TBC1D5: variants seen among roughly 807,000 people sequenced by gnomAD.
TBC1D5 encodes the protein TBC1 domain family member 5.
TBC1D5 carries 75 observed loss-of-function variants against 100.3 expected under a neutral mutation model. The observed-to-expected ratio is 0.75, with a 90% CI of 0.62 to 0.91. The LOEUF (loss-of-function observed/expected upper bound fraction) is 0.91, where lower values mean the gene tolerates loss of function less well. TBC1D5 is among the 40% of genes least tolerant of loss of function. The probability of loss-of-function intolerance (pLI) is 0.00; values close to 1 mark genes in which losing one functional copy is unlikely to be tolerated. For synonymous variants in TBC1D5, 323 were observed against 325.6 expected (o/e 0.99, Z 0.09); for missense variants, 910 against 942.4 (o/e 0.97, Z 0.45).
chr3:17,336,680 T>C (rs1323793224), intron 13 of TBC1D5, among the ~76,000 whole-genome samples: 1 of 151,280 alleles, frequency 6.6e-6, no homozygotes, highest in Non-Finnish European at 1.5e-5. Flanking sequence ...TGTGTCACAG[T>C]GTAATCCTGA....
intron 18 of TBC1D5, among the ~76,000 whole-genome samples, chr3:17,207,294 T>A (rs1353703883): frequency 1.3e-5 from 2 of 152,192 alleles, no homozygotes. Flanking sequence ...AATGGCCACC[T>A]AAAAATAGAC....
At chr3:17,676,237 C>A (rs2153798620) in intron 1 of TBC1D5, among the ~76,000 whole-genome samples, 1 of 152,208 alleles carries the variant, frequency 6.6e-6, no homozygotes, top group East Asian at 1.9e-4. Flanking sequence ...CTGTTGTTAT[C>A]TATTATCTAC....
chr3:17,683,006 T>C (rs2069714540), intron 1 of TBC1D5, among the ~76,000 whole-genome samples: 1 of 151,460 alleles, frequency 6.6e-6, no homozygotes, highest in Admixed American at 6.6e-5. Flanking sequence ...AGAAAACAGG[T>C]TGGAAAGATC....
rs2077293873 is a variant in TBC1D5, at chr3:17,740,102, G to A, written c.-860C>T. 4 of 151,980 alleles carry A rather than the reference G, an allele frequency of 2.6e-5. No homozygotes were observed. In the South Asian group the frequency reaches 8.3e-4, roughly 32 times the overall value. 9.4% of individuals were successfully genotyped at this position (151,980 alleles called of 1,614,324 possible). ...GGCCGAGATGGACACATCACTTGAGGTCAGGAGGTCGATACCAGCCTGGCC... is the reference window on the plus strand; with the variant it reads ...GGCCGAGATGGACACATCACTTGAGATCAGGAGGTCGATACCAGCCTGGCC... On this transcript the variant is annotated 5_prime_UTR_variant, in exon 1 of 22. Transcript: ENST00000253692.
chr3:17,397,811 C>T (rs1002157720), intron 8 of TBC1D5, among the ~76,000 whole-genome samples: 5 of 152,090 alleles, frequency 3.3e-5, no homozygotes, highest in African/African-American at 1.2e-4. Flanking sequence ...AAGATGATAA[C>T]AGCATATCAA....
intron 2 of TBC1D5, among the ~76,000 whole-genome samples, chr3:17,536,251 G>A (rs1157338578): frequency 6.6e-6 from 1 of 152,066 alleles, no homozygotes; most frequent in African/African-American, 2.4e-5. Context: ...TAAAGCTGCT[G>A]CATAGTCACA....
intron 17 of TBC1D5, among the ~76,000 whole-genome samples, chr3:17,234,023 T>G (rs892823337): frequency 6.6e-6 from 1 of 152,132 alleles, no homozygotes; most frequent in Non-Finnish European, 1.5e-5. Context: ...TCAAAAGATT[T>G]TGCTGAGCAT....
intron 2 of TBC1D5, among the ~76,000 whole-genome samples, chr3:17,588,522 A>G (rs754754454): frequency 6.6e-6 from 1 of 152,122 alleles, no homozygotes; most frequent in Non-Finnish European, 1.5e-5. Flanking sequence ...CTGGGACTGC[A>G]ATAATTTATG....
At position 17,584,930 on chromosome 3, in the gene TBC1D5, A is replaced by T. The variant is rs1284018861; in HGVS notation, c.-36+38919T>A. The stretch of plus-strand genomic sequence containing the variant: ...CTCAGACTCCCAAAGTGCTGGGATT[A>T]CAGGCGTGAGCCACTGTGCCCAGCC... On this transcript the variant is annotated intron_variant, in intron 2 of 21. Transcript: ENST00000253692. 2.0e-5 allele frequency among the ~76,000 whole-genome samples: 3 copies of T among 152,206 alleles called. No individual in the cohort carries two copies. The East Asian group carries it at 5.8e-4, about 29-fold the overall frequency.
chr3:17,158,152 C>T (rs561767910), exon 22 of TBC1D5: 2 of 152,252 alleles, frequency 1.3e-5, no homozygotes, highest in South Asian at 2.1e-4. Flanking sequence ...AACTCTCACA[C>T]GTAATGTACA....
intron 15 of TBC1D5, among the ~76,000 whole-genome samples, chr3:17,270,667 A>T (rs1368256349): frequency 6.6e-6 from 1 of 152,074 alleles, no homozygotes; most frequent in African/African-American, 2.4e-5. Context: ...GCTTTTGAGG[A>T]CTTAGCCATA....
At chr3:17,508,655 T>C (rs1560048429) in intron 2 of TBC1D5, 50 bp from the exon 3 acceptor site, 2 of 920,258 alleles carry the variant, frequency 2.2e-6, no homozygotes, top group Non-Finnish European at 3.5e-6. Context: ...TTTTCTGCTA[T>C]GACTGGGAAT....
intron 3 of TBC1D5, among the ~76,000 whole-genome samples, chr3:17,436,200 G>A (rs1374060238): frequency 6.6e-6 from 1 of 152,152 alleles, no homozygotes; most frequent in East Asian, 1.9e-4. Flanking sequence ...CCATTTGTTT[G>A]TTATCTCACT....
At chr3:17,571,513 C>G (rs1240304426) in intron 2 of TBC1D5, among the ~76,000 whole-genome samples, 1 of 151,976 alleles carries the variant, frequency 6.6e-6, no homozygotes, top group Non-Finnish European at 1.5e-5. Context: ...AGTTCTTTGA[C>G]TTCATTTAAA....
chr3:17,173,123 C>A (rs2067332778), intron 19 of TBC1D5, among the ~76,000 whole-genome samples: 1 of 152,132 alleles, frequency 6.6e-6, no homozygotes, highest in African/African-American at 2.4e-5. Flanking sequence ...TCTCAGCAAC[C>A]CTTCTAGATG....
chr3:17,290,954 A>C (rs1183939204), intron 15 of TBC1D5, among the ~76,000 whole-genome samples: 3 of 152,226 alleles, frequency 2.0e-5, no homozygotes, highest in African/African-American at 4.8e-5. Context: ...AAAAGGTTGA[A>C]GTCAACAACC....
At chr3:17,386,262 T>A (rs1359644542) in intron 8 of TBC1D5, among the ~76,000 whole-genome samples, 2 of 152,110 alleles carry the variant, frequency 1.3e-5, no homozygotes, top group Admixed American at 1.3e-4. Context: ...CCCTTCCTCA[T>A]CTATTCTTTG....
At chr3:17,263,477 T>C (rs1275228286) in intron 15 of TBC1D5, among the ~76,000 whole-genome samples, 3 of 152,158 alleles carry the variant, frequency 2.0e-5, no homozygotes, top group Admixed American at 6.5e-5. Context: ...ACCATGCCTT[T>C]CCTAGGCCAA....
chr3:17,190,893 A>C (rs2069793640), intron 18 of TBC1D5, among the ~76,000 whole-genome samples: 1 of 152,184 alleles, frequency 6.6e-6, no homozygotes, highest in Non-Finnish European at 1.5e-5. Context: ...GTCTTTCTTG[A>C]GCAGATGGGT....
Sources: gnomAD v4.1 joint callset for allele counts (sites outside exome capture counted in the v4.1 genomes callset) on GRCh38, gnomAD v4.1.1 for gene constraint, MANE v1.5 for transcripts, NCBI Gene and HGNC (gene_info 2026-07-23, HGNC 2026-07-21) for gene names.